The following PALM2AKAP2 variants were observed in gnomAD, a reference collection of about 807,000 sequenced individuals.
PALM2AKAP2 encodes PALM2 and AKAP2 fusion.
In PALM2AKAP2, 37 loss-of-function variants were observed where a neutral mutation model predicts 71.5. The observed-to-expected ratio is 0.52, with a 90% CI of 0.40 to 0.68. The LOEUF is 0.68. PALM2AKAP2 is among the 30% of genes least tolerant of loss of function. PALM2AKAP2 has a pLI of 0.00. For synonymous variants in PALM2AKAP2, 468 were observed against 478.8 expected (o/e 0.98, Z 0.29); for missense variants, 1,224 against 1,191.8 (o/e 1.03, Z -0.40).
At chr9:109,965,137 C>T (rs887867906) in intron 6 of PALM2AKAP2, among the ~76,000 whole-genome samples, 3 of 152,174 alleles carry the variant, frequency 2.0e-5, no homozygotes, top group African/African-American at 4.8e-5. Context: ...ACACATGGCC[C>T]TGGAAAAGTC....
chr9:109,850,897 G>A (rs1302194034), intron 1 of PALM2AKAP2, among the ~76,000 whole-genome samples: 1 of 152,106 alleles, frequency 6.6e-6, no homozygotes, highest in African/African-American at 2.4e-5. Flanking sequence ...CCTGGTAGTG[G>A]CCGGGCGTGG....
intron 1 of PALM2AKAP2, among the ~76,000 whole-genome samples, chr9:109,819,852 A>G (rs1189340389): frequency 6.6e-6 from 1 of 152,214 alleles, no homozygotes; most frequent in African/African-American, 2.4e-5. Context: ...ACCACTCATC[A>G]TAAAATAAGC....
chr9:109,838,281 G>T (rs935013458), intron 1 of PALM2AKAP2, among the ~76,000 whole-genome samples: 2 of 152,096 alleles, frequency 1.3e-5, no homozygotes, highest in Non-Finnish European at 2.9e-5. Context: ...ATGACTACTG[G>T]GTACATAATG....
chr9:109,843,103 G>T (rs907451269), intron 1 of PALM2AKAP2, among the ~76,000 whole-genome samples: 1 of 128,146 alleles, frequency 7.8e-6, no homozygotes, highest in Non-Finnish European at 1.5e-5. Flanking sequence ...TCGCGCCATT[G>T]CACTCCAGCC....
intron 6 of PALM2AKAP2, among the ~76,000 whole-genome samples, chr9:109,995,043 G>A (rs992885845): frequency 9.2e-5 from 14 of 152,158 alleles, no homozygotes; most frequent in Non-Finnish European, 1.6e-4. Flanking sequence ...AACCCTTCTG[G>A]AACTTTCCAG....
At chr9:110,015,749 T>A (rs918199918) in intron 6 of PALM2AKAP2, among the ~76,000 whole-genome samples, 2 of 152,136 alleles carry the variant, frequency 1.3e-5, no homozygotes, top group African/African-American at 4.8e-5. Flanking sequence ...AATTGGAGAT[T>A]AGGTAAAAAC....
chr9:109,780,187 C>T, upstream of PALM2AKAP2: 2 of 702,752 alleles, frequency 2.8e-6, no homozygotes, highest in Non-Finnish European at 1.8e-6. Context: ...GCCCTCCCGG[C>T]GGCTGCCGGC....
rs144754709 is a variant in PALM2AKAP2 at position 109,826,918 on chromosome 9, G to T, written c.46-40573G>T. Among the ~76,000 whole-genome samples the T allele has an allele frequency of 1.3e-3, 197 of 152,254 alleles. 1 individual carries two copies. The Middle Eastern group carries it at 0.02, about 16-fold the overall frequency. On this transcript the variant is annotated intron_variant, in intron 1 of 9. Coordinates refer to the PALM2AKAP2 transcript ENST00000302798. ...ATTTTCAGAATACTGCCTTCTCAAA[G>T]ATATGGTTCTCCTGATTGATTATGA...
At chr9:109,844,291 A>C (rs1828790091) in intron 1 of PALM2AKAP2, among the ~76,000 whole-genome samples, 1 of 152,226 alleles carries the variant, frequency 6.6e-6, no homozygotes, top group South Asian at 2.1e-4. Flanking sequence ...GAAAGTGAGA[A>C]ATCTCAGAGT....
chr9:109,699,661 A>G (rs1828023372), intron 1 of PALM2AKAP2, among the ~76,000 whole-genome samples: 1 of 152,228 alleles, frequency 6.6e-6, no homozygotes, highest in Non-Finnish European at 1.5e-5. Flanking sequence ...AGAGAAGAGG[A>G]AGCCAAAATA....
At chr9:110,157,227 T>C (rs554411405) in intron 3 of PALM2AKAP2, among the ~76,000 whole-genome samples, 1 of 152,196 alleles carries the variant, frequency 6.6e-6, no homozygotes, top group Non-Finnish European at 1.5e-5. Flanking sequence ...GTGGGTCTTC[T>C]GGCACCAGTC....
intron 3 of PALM2AKAP2, among the ~76,000 whole-genome samples, chr9:109,909,612 G>A (rs1040459089): frequency 3.3e-5 from 5 of 152,184 alleles, no homozygotes; most frequent in African/African-American, 1.2e-4. Context: ...CAAAATCCAT[G>A]AATGAGTGAT....
intron 7 of PALM2AKAP2, among the ~76,000 whole-genome samples, chr9:110,033,142 G>C (rs781114982): frequency 3.9e-5 from 6 of 152,038 alleles, no homozygotes; most frequent in Non-Finnish European, 8.8e-5. Flanking sequence ...TGTTTGAGTT[G>C]GTTCTTGCAA....
In PALM2AKAP2 at chr9:110,125,778, CTT is replaced by C. The variant is rs35534895; in HGVS notation, c.157-10336_157-10335del. On this transcript the variant is annotated intron_variant, in intron 1 of 3. Coordinates refer to ENST00000374525, the Ensembl canonical transcript of PALM2AKAP2. Reference sequence around the variant, plus strand: ...AGACTGGTGTCTTGCTTCTCTCTCTCTTTTTTTTTTTTTTGCAAATCTTGTAA... The same window carrying C: ...AGACTGGTGTCTTGCTTCTCTCTCTCTTTTTTTTTTTTGCAAATCTTGTAA... 2.6e-3 allele frequency among the ~76,000 whole-genome samples: 369 copies of C among 142,138 alleles called. 2 individuals carry two copies. Among genetic ancestry groups the C allele is most frequent in the African/African-American group, 7.8e-3 (301 of 38,824 alleles). 93.2% of individuals were successfully genotyped at this position (142,138 alleles called of 152,430 possible). A position where few individuals can be genotyped will look rare whatever the true frequency, so the allele number is the denominator to read the frequency against.
upstream of PALM2AKAP2, among the ~76,000 whole-genome samples, chr9:110,045,389 C>T (rs762194885): frequency 2.0e-5 from 3 of 152,152 alleles, no homozygotes; most frequent in African/African-American, 4.8e-5. Flanking sequence ...TGTTAACACA[C>T]GTATGATGTG....
chr9:110,035,430 T>C (rs1833375568), intron 7 of PALM2AKAP2, among the ~76,000 whole-genome samples: 1 of 143,866 alleles, frequency 7.0e-6, no homozygotes, highest in South Asian at 2.1e-4. Context: ...ACATATTATA[T>C]ACGTATATTA....
intron 3 of PALM2AKAP2, among the ~76,000 whole-genome samples, chr9:109,882,561 T>C (rs1271868711): frequency 6.6e-6 from 1 of 151,732 alleles, no homozygotes; most frequent in Non-Finnish European, 1.5e-5. Context: ...AGAGAGAGAG[T>C]AGGTGTTATT....
At chr9:109,849,259 C>T (rs767241109) in intron 1 of PALM2AKAP2, among the ~76,000 whole-genome samples, 10 of 151,904 alleles carry the variant, frequency 6.6e-5, no homozygotes, top group Non-Finnish European at 1.5e-4. Flanking sequence ...GGCCCAGAGC[C>T]CCAGGACTCT....
intron 1 of PALM2AKAP2, among the ~76,000 whole-genome samples, chr9:109,691,204 C>CACACAT (rs1252778178): frequency 6.6e-6 from 1 of 151,150 alleles, no homozygotes; most frequent in Admixed American, 6.6e-5. Flanking sequence ...CACACACACA[C>CACACAT]ATGCACACAC....
Sources: allele counts gnomAD v4.1 joint callset (sites outside exome capture counted in the v4.1 genomes callset), GRCh38; gene constraint gnomAD v4.1.1; transcripts MANE v1.5; gene names NCBI Gene and HGNC (gene_info 2026-07-23, HGNC 2026-07-21).